The following DACT3 variants were observed in gnomAD, a reference collection of about 807,000 sequenced individuals.
The protein encoded by DACT3 is dapper homolog 3.
DACT3 carries 5 observed loss-of-function variants against 19.6 expected under a neutral mutation model. The observed-to-expected ratio is 0.26, with a 90% CI of 0.13 to 0.54. The LOEUF is 0.54. Ranked by LOEUF, DACT3 falls within the 20% of genes least tolerant of loss-of-function variation. The probability of loss-of-function intolerance (pLI) is 0.95; values close to 1 mark genes in which losing one functional copy is unlikely to be tolerated. For missense variants in DACT3, 908 were observed against 927.4 expected (o/e 0.98, Z 0.27); for synonymous variants, 454 against 428.1 (o/e 1.06, Z -0.75).
rs2052935436 is a variant in DACT3, at chr19:46,648,066, T to C, written c.*416A>G. On this transcript the variant is annotated 3_prime_UTR_variant, in exon 4 of 4. Transcript: ENST00000391916. This position sits in a 1 kb window ranked among gnomAD's most constrained non-coding sequence, Gnocchi z 5.1. The stretch of plus-strand genomic sequence containing the variant: ...TTTGTGAATGAGAGGGGGCCATAGC[T>C]GGGCAAGGAAAGGAGGAATGAGAGG... The C allele has an allele frequency of 5.2e-6, 1 of 191,072 alleles. No individual in the cohort carries two copies. Among genetic ancestry groups the C allele is most frequent in the Non-Finnish European group, 1.1e-5 (1 of 91,634 alleles). The allele number at this position is 191,072 out of a possible 1,614,324, so 11.8% of individuals were successfully genotyped here.
At chr19:46,652,438 C>G in intron 3 of DACT3, 1 of 561,202 alleles carries the variant, frequency 1.8e-6, no homozygotes, top group South Asian at 2.8e-5. Flanking sequence ...GCCCACCTCC[C>G]AAAGTGCTGG....
At chr19:46,652,423 G>A in intron 3 of DACT3, 1 of 535,992 alleles carries the variant, frequency 1.9e-6, no homozygotes, top group South Asian at 3.1e-5. Context: ...GGCCTCAAGT[G>A]ATCCGCCCAC....
Position 46,648,436 on chromosome 19 carries a change from G to GGAGC in DACT3, c.*45_*46insGCTC. On this transcript the variant is annotated 3_prime_UTR_variant, in exon 4 of 4. Transcript: ENST00000391916. The surrounding 1 kb of genome is among the most constrained non-coding windows in gnomAD (Gnocchi z 5.1). ...TGGAAGGGTCAGTGGTTGGGAGTGT[G>GGAGC]GAGGTGCAGAGGCCATGAAGGGGGA... 1 of 1,613,018 alleles carries GGAGC rather than the reference G, an allele frequency of 6.2e-7. No homozygotes were observed. The highest frequency in any genetic ancestry group is 2.2e-5 in the East Asian group (1 of 44,840).
chr19:46,657,356 T>C (rs1399735179), intron 1 of DACT3, among the ~76,000 whole-genome samples: 1 of 136,098 alleles, frequency 7.3e-6, no homozygotes, highest in Non-Finnish European at 1.6e-5. Context: ...CTTTTTTTTT[T>C]TTTTTTTTTT....
chr19:46,651,065 CTATT>C (rs71340605), intron 3 of DACT3: 66,167 of 148,472 alleles, frequency 0.45, 15,321 homozygotes, highest in Admixed American at 0.5. Context: ...ATTTATTTAT[CTATT>C]TATTTATTTA....
rs2053073078 is a variant in DACT3, at chr19:46,661,121, C to T, written c.-57G>A. On this transcript the variant is annotated 5_prime_UTR_variant, in exon 1 of 4. Coordinates refer to ENST00000391916, the MANE Select transcript of DACT3 (RefSeq NM_145056.3). ...CCCCGCGGCCACCCCTCTCCCGGTC[C>T]CACCTCCCCGCCCCAGCAGCCTGCC... The T allele has an allele frequency of 7.4e-7, 1 of 1,348,394 alleles. No individual in the cohort carries two copies. Among genetic ancestry groups the T allele is most frequent in the East Asian group, 3.1e-5 (1 of 32,278 alleles). The allele number at this position is 1,348,394 out of a possible 1,614,324, so 83.5% of individuals were successfully genotyped here.
In DACT3 at chr19:46,649,673, G is replaced by A. The variant is rs1424059234; in HGVS notation, c.699C>T (p.Gly233=). The part of the protein sequence containing the change: ...AVAMRSPRPC[G]RPPTDSPDAG... ...CGTCGGGCGAGTCGGTGGGAGGGCGGCCGCAGGGCCGCGGGCTGCGCATCG... is the reference window on the plus strand; with the variant it reads ...CGTCGGGCGAGTCGGTGGGAGGGCGACCGCAGGGCCGCGGGCTGCGCATCG... The change falls in exon 4 of 4, where the codon GGC becomes GGT. Residue 233 remains glycine (G), a synonymous_variant. Transcript: ENST00000391916. 8.5e-7 allele frequency: 1 copy of A among 1,172,646 alleles called. No homozygotes were observed. Among genetic ancestry groups the A allele is most frequent in the East Asian group, 3.9e-5 (1 of 25,596 alleles). The allele number at this position is 1,172,646 out of a possible 1,614,324, so 72.6% of individuals were successfully genotyped here. A position where few individuals can be genotyped will look rare whatever the true frequency, so the allele number is the denominator to read the frequency against.
chr19:46,658,048 G>A (rs2053045635), intron 1 of DACT3, among the ~76,000 whole-genome samples: 4 of 151,950 alleles, frequency 2.6e-5, no homozygotes, highest in Non-Finnish European at 5.9e-5. Context: ...AGCAGAGATT[G>A]TGCCATTGCA....
At chr19:46,653,659 T>G (rs755195054) in intron 1 of DACT3, among the ~76,000 whole-genome samples, 2 of 151,946 alleles carry the variant, frequency 1.3e-5, no homozygotes, top group Non-Finnish European at 2.9e-5. Context: ...GATCAGGCAA[T>G]TCACCCACCT....
chr19:46,657,747 TTTAA>T (rs1301942503), intron 1 of DACT3, among the ~76,000 whole-genome samples: 2 of 152,078 alleles, frequency 1.3e-5, no homozygotes, highest in Admixed American at 1.3e-4. Flanking sequence ...GTTTCCATTG[TTTAA>T]TTAAAAATAA....
At chr19:46,654,701 G>A (rs2053019226) in intron 1 of DACT3, 7 of 985,320 alleles carry the variant, frequency 7.1e-6, no homozygotes, top group Non-Finnish European at 8.4e-6. Context: ...TTGACCCTCA[G>A]ACAAAAGCGG....
Position 46,649,610 on chromosome 19 carries a change from C to G in DACT3, c.762G>C (p.Ser254=). 1 of 1,133,036 alleles carries G rather than the reference C, an allele frequency of 8.8e-7. No individual in the cohort carries two copies. Among genetic ancestry groups the G allele is most frequent in the African/African-American group, 1.7e-5 (1 of 59,942 alleles). 70.2% of individuals were successfully genotyped at this position (1,133,036 alleles called of 1,614,324 possible). The change falls in exon 4 of 4, where the codon TCG becomes TCC. Residue 254 remains serine (S), a synonymous_variant. Transcript: ENST00000391916. ...GGCGGCGGCGCCTGCGCAGGAGCGCCGAGATGTAGCCGTCCAGGGGCCGCC... is the reference window on the plus strand; with the variant it reads ...GGCGGCGGCGCCTGCGCAGGAGCGCGGAGATGTAGCCGTCCAGGGGCCGCC... ...GAGRPLDGYI[S]ALLRRRRRRG...
At chr19:46,654,258 G>A (rs979491520) in intron 1 of DACT3, 18 of 956,368 alleles carry the variant, frequency 1.9e-5, no homozygotes, top group Non-Finnish European at 2.2e-5. Flanking sequence ...AGGCCGAGGC[G>A]GGCGGATCAC....
At chr19:46,649,917 G>A (rs2052966140) in intron 3 of DACT3, 45 bp from the exon 4 acceptor site, 2 of 1,332,588 alleles carry the variant, frequency 1.5e-6, no homozygotes, top group South Asian at 1.8e-5. Flanking sequence ...GAGAGTGGAG[G>A]GGCTCTCAAA....
At position 46,660,858 on chromosome 19, in the gene DACT3, C is replaced by A; in HGVS notation, c.207G>T (p.Ala69=). 1 of 1,524,530 alleles carries A rather than the reference C, an allele frequency of 6.6e-7. No individual in the cohort carries two copies. Among genetic ancestry groups the A allele is most frequent in the Non-Finnish European group, 8.8e-7 (1 of 1,141,254 alleles). The allele number at this position is 1,524,530 out of a possible 1,614,324, so 94.4% of individuals were successfully genotyped here. The change falls in exon 1 of 4, where the codon GCG becomes GCT. Residue 69 remains alanine (A), a synonymous_variant. Transcript: ENST00000391916. The surrounding 1 kb of genome is among the most constrained non-coding windows in gnomAD (Gnocchi z 4.9). ...CCGCTGCGGCCCGGCGCGCCGCCGC[C>A]GCATCTTCATCCTCATCGGCGTCCT... The part of the protein sequence containing the change: ...DEEDADEDED[A]AAARRAAAAL...
At chr19:46,656,367 G>C (rs1277718619) in intron 1 of DACT3, among the ~76,000 whole-genome samples, 1 of 151,506 alleles carries the variant, frequency 6.6e-6, no homozygotes, top group Non-Finnish European at 1.5e-5. Context: ...TTTTATTTTT[G>C]AGACAAGGTC....
intron 1 of DACT3, chr19:46,654,891 C>G (rs920411011): frequency 1.0e-6 from 1 of 985,102 alleles, no homozygotes; most frequent in South Asian, 4.7e-5. Flanking sequence ...AGCCCCCATC[C>G]GGGCCTGTTT....
At chr19:46,655,866 G>A (rs2053028557) in intron 1 of DACT3, among the ~76,000 whole-genome samples, 1 of 150,506 alleles carries the variant, frequency 6.6e-6, no homozygotes, top group Non-Finnish European at 1.5e-5. Context: ...GAGGCCGAGA[G>A]TTCAAGACCA....
chr19:46,658,370 G>A (rs1248198021), intron 1 of DACT3, among the ~76,000 whole-genome samples: 2 of 152,194 alleles, frequency 1.3e-5, no homozygotes, highest in Non-Finnish European at 2.9e-5. Context: ...TTCAGCCTGA[G>A]AGACTTTGTC....
Sources: gnomAD v4.1 joint callset for allele counts (sites outside exome capture counted in the v4.1 genomes callset) on GRCh38, gnomAD v4.1.1 for gene constraint, Gnocchi (gnomAD v3.1) non-coding constraint, MANE v1.5 for transcripts, NCBI Gene and HGNC (gene_info 2026-07-23, HGNC 2026-07-21) for gene names.